The following SASH1 variants were observed in gnomAD, a reference collection of about 807,000 sequenced individuals.
SASH1 encodes the protein SAM and SH3 domain containing 1, also known as SAM and SH3 domain-containing protein 1.
In SASH1, 44 loss-of-function variants were observed where a neutral mutation model predicts 125.2. The ratio of observed to expected loss-of-function variants is 0.35; its 90% CI spans 0.28 to 0.45. The LOEUF (loss-of-function observed/expected upper bound fraction) is 0.45. Among genes scored for constraint, SASH1 ranks in the 20% least tolerant of loss-of-function variants. SASH1 has a pLI of 1.00. For synonymous variants in SASH1, 639 were observed against 649.1 expected (o/e 0.98, Z 0.24); for missense variants, 1,426 against 1,614.5 (o/e 0.88, Z 2.00).
At chr6:148,464,839 ATTC>A (rs1240911541) in intron 4 of SASH1, among the ~76,000 whole-genome samples, 2 of 152,146 alleles carry the variant, frequency 1.3e-5, no homozygotes, top group African/African-American at 4.8e-5. Flanking sequence ...TGGGCTTGTT[ATTC>A]TTTGGCCAGC....
At chr6:148,380,585 G>A (rs79910118) in intron 1 of SASH1, among the ~76,000 whole-genome samples, 8,674 of 152,274 alleles carry the variant, frequency 0.057, 314 homozygotes, top group South Asian at 0.16. Context: ...ATTAAAAATG[G>A]AAAATGAGTT....
chr6:148,195,536 T>G, the SASH1 span, among the ~76,000 whole-genome samples: 1 of 152,250 alleles, frequency 6.6e-6, no homozygotes, highest in Non-Finnish European at 1.5e-5. Context: ...TGTTAAATCA[T>G]GGTTGTCCAA....
chr6:148,263,095 A>G, the SASH1 span, among the ~76,000 whole-genome samples: 1 of 152,158 alleles, frequency 6.6e-6, no homozygotes, highest in African/African-American at 2.4e-5. Flanking sequence ...CATTGCAGAG[A>G]GACGGCAGGC....
chr6:148,293,780 G>A (rs1257858281), intron 1 of SASH1, among the ~76,000 whole-genome samples: 1 of 152,198 alleles, frequency 6.6e-6, no homozygotes, highest in African/African-American at 2.4e-5. Context: ...CAGTGTTCCA[G>A]ATTCTGTCTA....
intron 1 of SASH1, among the ~76,000 whole-genome samples, chr6:148,330,331 C>A (rs1344124831): frequency 1.3e-5 from 2 of 152,124 alleles, no homozygotes; most frequent in Non-Finnish European, 2.9e-5. Flanking sequence ...ACGATGGCAC[C>A]TCAAAGAAGC....
At chr6:148,250,977 G>A in the SASH1 span, among the ~76,000 whole-genome samples, 1 of 152,182 alleles carries the variant, frequency 6.6e-6, no homozygotes, top group African/African-American at 2.4e-5. Context: ...TGTGTGCCTA[G>A]CATATAGATT....
the SASH1 span, among the ~76,000 whole-genome samples, chr6:148,244,900 G>A: frequency 1.3e-5 from 2 of 149,410 alleles, no homozygotes; most frequent in Admixed American, 1.3e-4. Context: ...CTGAGGCCTG[G>A]GGCATGTGTG....
upstream of SASH1, among the ~76,000 whole-genome samples, chr6:148,340,749 T>C (rs1030425163): frequency 1.3e-5 from 2 of 152,248 alleles, no homozygotes; most frequent in African/African-American, 2.4e-5. Flanking sequence ...CTGGCTGTAC[T>C]GACTCATAGT....
Position 148,549,107 on chromosome 6 carries a change from A to G in SASH1, c.*549A>G, listed in dbSNP as rs1782746647. 3.9e-5 allele frequency: 6 copies of G among 153,948 alleles called. No homozygotes were observed. The highest frequency in any genetic ancestry group is 1.5e-4 in the African/African-American group (6 of 39,930). The allele number at this position is 153,948 out of a possible 1,614,324, so 9.5% of individuals were successfully genotyped here. Reference sequence around the variant, plus strand: ...AGTCCTGTTCTTCTTTAGATAAACAAGAGACATTTTCATAATTGCTTTCTA... The same window carrying G: ...AGTCCTGTTCTTCTTTAGATAAACAGGAGACATTTTCATAATTGCTTTCTA... On this transcript the variant is annotated 3_prime_UTR_variant, in exon 20 of 20. Coordinates refer to ENST00000367467, the MANE Select transcript of SASH1 (RefSeq NM_015278.5).
Position 148,487,772 on chromosome 6 carries a change from C to A in SASH1, c.729+57C>A. The A allele has an allele frequency of 4.0e-6, 5 of 1,253,338 alleles. No individual in the cohort carries two copies. The South Asian group carries it at 6.1e-5, about 15-fold the overall frequency. 77.6% of individuals were successfully genotyped at this position (1,253,338 alleles called of 1,614,324 possible). A position where few individuals can be genotyped will look rare whatever the true frequency, so the allele number is the denominator to read the frequency against. On this transcript the variant is annotated intron_variant, in intron 8 of 19. Coordinates refer to ENST00000367467, the MANE Select transcript of SASH1 (RefSeq NM_015278.5). ...ACCTACGCCGATAAGGGACAGTCTT[C>A]ACCATTTTAGTCTTTGTATTTCTTT...
At chr6:148,305,481 GAT>G (rs2128515801) in intron 1 of SASH1, among the ~76,000 whole-genome samples, 1 of 152,232 alleles carries the variant, frequency 6.6e-6, no homozygotes, top group Admixed American at 6.5e-5. Context: ...AAATTAGCTG[GAT>G]GTGGTGGCGG....
chr6:148,385,331 G>A (rs540882162), intron 1 of SASH1, among the ~76,000 whole-genome samples: 5 of 152,280 alleles, frequency 3.3e-5, no homozygotes, highest in African/African-American at 1.2e-4. Context: ...TTGAGTGATT[G>A]GGAATGGGAT....
chr6:148,373,595 C>T (rs1782777950), intron 1 of SASH1, among the ~76,000 whole-genome samples: 1 of 152,106 alleles, frequency 6.6e-6, no homozygotes, highest in Non-Finnish European at 1.5e-5. Context: ...AACAGGATAG[C>T]AGGATCTTTC....
chr6:148,478,694 T>C (rs1210878463), intron 7 of SASH1: 1 of 152,364 alleles, frequency 6.6e-6, no homozygotes, highest in Non-Finnish European at 1.5e-5. Context: ...ATTGGAATGC[T>C]GGGCTTAGTG....
chr6:148,343,349 A>G (rs1320239251), intron 1 of SASH1, 126 bp downstream of exon 1: 9 of 816,764 alleles, frequency 1.1e-5, no homozygotes, highest in Non-Finnish European at 1.7e-5. Flanking sequence ...CTCTGGCTCT[A>G]GTTCTTAGGG....
intron 1 of SASH1, among the ~76,000 whole-genome samples, chr6:148,352,414 T>C (rs1350960500): frequency 6.6e-6 from 1 of 151,754 alleles, no homozygotes; most frequent in Non-Finnish European, 1.5e-5. Flanking sequence ...CTGGCCAACA[T>C]AGTGAAACCC....
In SASH1 at chr6:148,423,516, A is replaced by G. The variant is rs115090441; in HGVS notation, c.286-16668A>G. 2.4e-3 allele frequency among the ~76,000 whole-genome samples: 370 copies of G among 152,366 alleles called. 1 individual carries two copies. The highest frequency in any genetic ancestry group is 8.5e-3 in the African/African-American group (355 of 41,588). On this transcript the variant is annotated intron_variant, in intron 2 of 19. Transcript: ENST00000367467. ...ATTAGTACAAAATGTGAGCTGATCTATTAGAGGAACCATTCAAATTTAGCA... is the reference window on the plus strand; with the variant it reads ...ATTAGTACAAAATGTGAGCTGATCTGTTAGAGGAACCATTCAAATTTAGCA...
In SASH1 at chr6:148,529,036, C is replaced by T. The variant is rs1188261341; in HGVS notation, c.1428+1440C>T. Reference sequence around the variant, plus strand: ...ACAATTCACAATAGGATTCGTGCTCCTACGAGAATCTAATACCGCCGCTGA... The same window carrying T: ...ACAATTCACAATAGGATTCGTGCTCTTACGAGAATCTAATACCGCCGCTGA... On this transcript the variant is annotated intron_variant, in intron 12 of 19. Coordinates refer to ENST00000367467, the MANE Select transcript of SASH1 (RefSeq NM_015278.5). The surrounding 1 kb of genome is among the most constrained non-coding windows in gnomAD (Gnocchi z 4.2). 1.3e-5 allele frequency among the ~76,000 whole-genome samples: 2 copies of T among 151,986 alleles called. No homozygotes were observed. The highest frequency in any genetic ancestry group is 2.9e-5 in the Non-Finnish European group (2 of 67,996).
chr6:148,468,231 G>T (rs1014722698), intron 4 of SASH1, among the ~76,000 whole-genome samples: 1 of 152,158 alleles, frequency 6.6e-6, no homozygotes, highest in Non-Finnish European at 1.5e-5. Context: ...CTTCCCAATG[G>T]CAGTAACTTC....
Sources: allele counts gnomAD v4.1 joint callset (sites outside exome capture counted in the v4.1 genomes callset), GRCh38; gene constraint gnomAD v4.1.1; non-coding constraint Gnocchi (gnomAD v3.1); transcripts MANE v1.5; gene names NCBI Gene and HGNC (gene_info 2026-07-23, HGNC 2026-07-21).